The following AFDN variants were observed in gnomAD, a reference collection of about 807,000 sequenced individuals.
AFDN encodes afadin.
Under a neutral mutation model 216.6 loss-of-function variants are expected in AFDN, and 68 were observed. The observed-to-expected ratio is 0.31, with a 90% CI of 0.26 to 0.38. The LOEUF (loss-of-function observed/expected upper bound fraction) is 0.38, where lower values mean the gene tolerates loss of function less well. Among genes scored for constraint, AFDN ranks in the 10% least tolerant of loss-of-function variants. The pLI is 1.00. For synonymous variants in AFDN, 868 were observed against 853.7 expected (o/e 1.02, Z -0.29); for missense variants, 2,136 against 2,342.0 (o/e 0.91, Z 1.82).
chr6:167,858,838 A>G (rs770167408), intron 1 of AFDN, among the ~76,000 whole-genome samples: 4 of 152,188 alleles, frequency 2.6e-5, no homozygotes, highest in Non-Finnish European at 5.9e-5. Context: ...TTTATAAATG[A>G]GGAAACCAAG....
In AFDN at chr6:167,965,942, C is replaced by G. The variant is rs772240384; in HGVS notation, c.5154C>G (p.Asn1718Lys). ...PGAPPPPPQR[N>K]ASYLKTQVLS... ...CCCCTCCTCCCCCGCCTCAGCGAAACGCCTCCTACCTCAAAACACAGGTCC... is the reference window on the plus strand; with the variant it reads ...CCCCTCCTCCCCCGCCTCAGCGAAAGGCCTCCTACCTCAAAACACAGGTCC... The change falls in exon 32 of 34, where the codon AAC (asparagine) becomes AAG (lysine). Residue 1718 changes from asparagine to lysine, a missense_variant. Physicochemically the swap from Asn to Lys is moderately conservative, Grantham distance 94 (BLOSUM62 0). This residue lies in a region of AFDN where 981 missense variants were observed against 966.0 expected (regional missense o/e 1.02). Coordinates refer to ENST00000683244, the MANE Select transcript of AFDN (RefSeq NM_001386888.1). The G allele has an allele frequency of 1.3e-6, 2 of 1,545,736 alleles. No homozygotes were observed. The highest frequency in any genetic ancestry group is 8.7e-7 in the Non-Finnish European group (1 of 1,143,912).
At chr6:167,844,179 T>TGA (rs1203877475) in intron 1 of AFDN, among the ~76,000 whole-genome samples, 1 of 14,324 alleles carries the variant, frequency 7.0e-5, no homozygotes, top group Non-Finnish European at 5.2e-4. Flanking sequence ...AAAAATGAAG[T>TGA]GTGTGTGTGT....
chr6:167,944,507 A>G (rs1167481234), intron 26 of AFDN, among the ~76,000 whole-genome samples: 3 of 152,256 alleles, frequency 2.0e-5, no homozygotes, highest in Non-Finnish European at 4.4e-5. Flanking sequence ...ATCTATTTGT[A>G]TATGAGTAGT....
intron 11 of AFDN, among the ~76,000 whole-genome samples, chr6:167,901,338 G>A (rs1788920122): frequency 6.6e-6 from 1 of 152,132 alleles, no homozygotes; most frequent in Admixed American, 6.5e-5. Flanking sequence ...ACTCTCCAAT[G>A]AGCTGGGACC....
rs1797934665 is a variant in AFDN, at chr6:167,970,267, C to T, written c.*332C>T. On this transcript the variant is annotated 3_prime_UTR_variant, in exon 34 of 34. Coordinates refer to ENST00000683244, the MANE Select transcript of AFDN (RefSeq NM_001386888.1). ...CAGGAGAAGAGAATGGATGTGTCTTCTCTCCCATCTTCCCCTCATCATCGA... is the reference window on the plus strand; with the variant it reads ...CAGGAGAAGAGAATGGATGTGTCTTTTCTCCCATCTTCCCCTCATCATCGA... 1 of 292,150 alleles carries T rather than the reference C, an allele frequency of 3.4e-6. No homozygotes were observed. The allele number at this position is 292,150 out of a possible 1,614,324, so 18.1% of individuals were successfully genotyped here.
intron 30 of AFDN, among the ~76,000 whole-genome samples, chr6:167,957,974 G>A (rs1180583817): frequency 6.6e-6 from 1 of 152,144 alleles, no homozygotes; most frequent in African/African-American, 2.4e-5. Context: ...TGAGAGCCAG[G>A]GTCCCCAAAC....
chr6:167,954,396 A>T, intron 30 of AFDN: 15 of 1,460,954 alleles, frequency 1.0e-5, no homozygotes, highest in Non-Finnish European at 1.4e-5. Context: ...TACAGGTCTA[A>T]ACCTAACTTT....
At chr6:167,863,536 C>T (rs141506088) in intron 1 of AFDN, among the ~76,000 whole-genome samples, 1 of 152,284 alleles carries the variant, frequency 6.6e-6, no homozygotes, top group African/African-American at 2.4e-5. Context: ...TGGTTGGATT[C>T]TGGGTGTATT....
At chr6:167,960,079 A>G (rs1188806829) in intron 30 of AFDN, among the ~76,000 whole-genome samples, 6 of 152,232 alleles carry the variant, frequency 3.9e-5, no homozygotes. Flanking sequence ...AATTCAGTGT[A>G]CTGTTTTAAG....
chr6:167,957,330 C>T (rs908824440), intron 30 of AFDN, among the ~76,000 whole-genome samples: 3 of 152,200 alleles, frequency 2.0e-5, no homozygotes, highest in Admixed American at 1.3e-4. Flanking sequence ...GTAGCGCCAC[C>T]TCCATGGGAA....
At chr6:167,960,480 C>T (rs1796931227) in intron 30 of AFDN, among the ~76,000 whole-genome samples, 1 of 152,172 alleles carries the variant, frequency 6.6e-6, no homozygotes, top group Non-Finnish European at 1.5e-5. Flanking sequence ...CTTTCTTGCT[C>T]AGCGCTTATT....
At chr6:167,848,558 A>T (rs893380130) in intron 1 of AFDN, among the ~76,000 whole-genome samples, 1 of 152,166 alleles carries the variant, frequency 6.6e-6, no homozygotes, top group Non-Finnish European at 1.5e-5. Flanking sequence ...AGTCTTGTCC[A>T]TGTTTTCTTC....
Position 167,880,363 on chromosome 6 carries a change from G to T in AFDN, c.743G>T (p.Gly248Val). Reference sequence around the variant, plus strand: ...AGATGTCAAAATGTTTTTTCAGGTGGAACATTGAGAATTTATGCAGATAGT... The same window carrying T: ...AGATGTCAAAATGTTTTTTCAGGTGTAACATTGAGAATTTATGCAGATAGT... ...RSSDGRPDSGGTLRIYADSLK... is the reference protein window; with the variant it reads ...RSSDGRPDSGVTLRIYADSLK... Residue 248 changes from glycine to valine, a missense_variant, in exon 6 of 34, where the codon GGA becomes GTA. This residue lies in a region of AFDN where 817 missense variants were observed against 965.7 expected (regional missense o/e 0.85). Transcript: ENST00000683244. 1 of 1,610,330 alleles carries T rather than the reference G, an allele frequency of 6.2e-7. No individual in the cohort carries two copies. Among genetic ancestry groups the T allele is most frequent in the Non-Finnish European group, 8.5e-7 (1 of 1,178,102 alleles).
intron 1 of AFDN, among the ~76,000 whole-genome samples, chr6:167,855,330 A>G (rs550321695): frequency 6.6e-6 from 1 of 152,144 alleles, no homozygotes. Context: ...TCCTGCCTCC[A>G]GGAGTACCTT....
At chr6:167,833,685 T>C (rs151213278) in intron 1 of AFDN, among the ~76,000 whole-genome samples, 2,431 of 152,270 alleles carry the variant, frequency 0.016, 71 homozygotes, top group African/African-American at 0.054. Flanking sequence ...CAGCTTTTGG[T>C]ACTGAGCTTT....
chr6:167,933,296 TA>T (rs1396845335), intron 23 of AFDN, among the ~76,000 whole-genome samples: 1 of 152,242 alleles, frequency 6.6e-6, no homozygotes, highest in Non-Finnish European at 1.5e-5. Flanking sequence ...TGTACTGATT[TA>T]AAGTTTTAAA....
chr6:167,942,710 CAAG>C (rs1794839798), intron 23 of AFDN, among the ~76,000 whole-genome samples: 1 of 152,108 alleles, frequency 6.6e-6, no homozygotes, highest in Non-Finnish European at 1.5e-5. Context: ...CTGTTTGCCA[CAAG>C]AAGTTTTTTT....
At chr6:167,924,722 G>A (rs1308174735) in intron 22 of AFDN, among the ~76,000 whole-genome samples, 1 of 152,180 alleles carries the variant, frequency 6.6e-6, no homozygotes, top group Non-Finnish European at 1.5e-5. Context: ...ATAGTAATGG[G>A]AGTTTAATTT....
chr6:167,916,255 A>C (rs2128474235), intron 19 of AFDN, among the ~76,000 whole-genome samples: 1 of 152,284 alleles, frequency 6.6e-6, no homozygotes. Flanking sequence ...GCTTTCTATA[A>C]GGACAGCCGA....
Sources: gnomAD v4.1 joint callset for allele counts (sites outside exome capture counted in the v4.1 genomes callset) on GRCh38, gnomAD v4.1.1 for gene constraint, gnomAD v4.1.1 regional missense constraint, MANE v1.5 for transcripts, NCBI Gene and HGNC (gene_info 2026-07-23, HGNC 2026-07-21) for gene names.